DCLK1: variants seen among roughly 807,000 people sequenced by gnomAD.
DCLK1 encodes serine/threonine-protein kinase DCLK1.
Under a neutral mutation model 86.2 loss-of-function variants are expected in DCLK1, and 16 were observed. That is an observed-to-expected ratio of 0.19 (90% CI 0.13 to 0.28). The LOEUF (loss-of-function observed/expected upper bound fraction) is 0.28, where lower values mean the gene tolerates loss of function less well. Ranked by LOEUF, DCLK1 falls within the 10% of genes least tolerant of loss-of-function variation. The pLI, the probability that DCLK1 is intolerant of heterozygous loss-of-function variation, is 1.00. For synonymous variants in DCLK1, 369 were observed against 370.5 expected, an observed-to-expected ratio of 1.00 and a Z score of 0.05; for missense variants, 590 against 940.2, an observed-to-expected ratio of 0.63 and a Z score of 4.87.
At chr13:36,028,471 A>G (rs560671916) in intron 3 of DCLK1, among the ~76,000 whole-genome samples, 11 of 152,200 alleles carry the variant, frequency 7.2e-5, no homozygotes, top group Non-Finnish European at 1.5e-4. Flanking sequence ...ACTCCTGGTC[A>G]CCCTGTTCCA....
Position 35,849,526 on chromosome 13 carries a change from C to A in DCLK1, c.1035+4973G>T, listed in dbSNP as rs975985951. 80 of 979,928 alleles carry A rather than the reference C, an allele frequency of 8.2e-5. No individual in the cohort carries two copies. The Admixed American group carries it at 1.0e-3, about 13-fold the overall frequency. The allele number at this position is 979,928 out of a possible 1,614,324, so 60.7% of individuals were successfully genotyped here. On this transcript the variant is annotated intron_variant, in intron 6 of 16. Coordinates refer to ENST00000360631, the MANE Select transcript of DCLK1 (RefSeq NM_001330071.2). ...TGACCACTAGGATATGGCTTAAATA[C>A]AATAGACCATACACATTAAATTAAT...
At chr13:35,963,625 C>T (rs564684180) in intron 3 of DCLK1, among the ~76,000 whole-genome samples, 20 of 152,254 alleles carry the variant, frequency 1.3e-4, no homozygotes, top group African/African-American at 4.6e-4. Context: ...TGTATCCCCA[C>T]CCAAATCTCA....
intron 13 of DCLK1, among the ~76,000 whole-genome samples, chr13:35,808,686 G>A (rs1198156153): frequency 1.3e-5 from 2 of 152,098 alleles, no homozygotes; most frequent in African/African-American, 4.8e-5. Flanking sequence ...AGGAAGCTGA[G>A]GCAGGAGAAC....
chr13:35,875,132 T>C (rs1872521763), intron 4 of DCLK1, among the ~76,000 whole-genome samples: 1 of 152,198 alleles, frequency 6.6e-6, no homozygotes. Context: ...GTTTGAAAAA[T>C]GTTAGTTTAT....
At chr13:35,956,934 A>AAAG (rs1878019815) in intron 3 of DCLK1, among the ~76,000 whole-genome samples, 2 of 152,196 alleles carry the variant, frequency 1.3e-5, no homozygotes, top group South Asian at 4.1e-4. Flanking sequence ...AGTCCATTCA[A>AAAG]AAGCATTCAT....
At chr13:35,932,098 A>G (rs1313658557) in intron 4 of DCLK1, among the ~76,000 whole-genome samples, 1 of 152,216 alleles carries the variant, frequency 6.6e-6, no homozygotes, top group Non-Finnish European at 1.5e-5. Context: ...AGTGGACTCC[A>G]TAAGGTAGAC....
At chr13:35,834,629 G>A (rs1255077639) in intron 8 of DCLK1, among the ~76,000 whole-genome samples, 1 of 152,252 alleles carries the variant, frequency 6.6e-6, no homozygotes, top group Non-Finnish European at 1.5e-5. Context: ...TTTGGGAGGT[G>A]TGAGGCCCAG....
chr13:35,840,774 T>C (rs767223038), intron 6 of DCLK1, among the ~76,000 whole-genome samples: 11 of 152,200 alleles, frequency 7.2e-5, no homozygotes, highest in Non-Finnish European at 1.2e-4. Context: ...TAACCCACAC[T>C]GTGGAAGGGA....
chr13:36,021,097 CAAT>C (rs1374352397), intron 3 of DCLK1, among the ~76,000 whole-genome samples: 1 of 151,586 alleles, frequency 6.6e-6, no homozygotes, highest in Non-Finnish European at 1.5e-5. Flanking sequence ...ATTTGTGTGA[CAAT>C]AATAGCACAA....
chr13:35,919,243 A>T (rs1417804826), intron 4 of DCLK1, among the ~76,000 whole-genome samples: 1 of 150,752 alleles, frequency 6.6e-6, no homozygotes, highest in Admixed American at 6.6e-5. Context: ...TTAAAAGTGC[A>T]TTTTTTTTTC....
chr13:35,769,349 C>T lies in DCLK1; in HGVS notation c.*5186G>A, dbSNP rs183263583. On this transcript the variant is annotated 3_prime_UTR_variant, in exon 17 of 17. Transcript: ENST00000360631. ...CTTGTTTAAATGCGCCAAGTCCCTA[C>T]GCACCTTTTTAGTATGTATGAGCAA... 19 of 152,270 alleles carry T rather than the reference C, an allele frequency of 1.2e-4. No homozygotes were observed. The highest frequency in any genetic ancestry group is 3.9e-4 in the East Asian group (2 of 5,182). 9.4% of individuals were successfully genotyped at this position (152,270 alleles called of 1,614,324 possible). A position where few individuals can be genotyped will look rare whatever the true frequency, so the allele number is the denominator to read the frequency against.
chr13:35,940,828 C>T (rs1183478199), intron 4 of DCLK1, among the ~76,000 whole-genome samples: 1 of 152,134 alleles, frequency 6.6e-6, no homozygotes, highest in Non-Finnish European at 1.5e-5. Context: ...CCAAAGAGCA[C>T]CAAAAGCAGA....
intron 3 of DCLK1, among the ~76,000 whole-genome samples, chr13:35,957,268 T>A (rs773761992): frequency 3.3e-5 from 5 of 152,152 alleles, no homozygotes; most frequent in Non-Finnish European, 7.4e-5. Flanking sequence ...ACCCAACCCA[T>A]AAAATCTGTG....
chr13:35,799,929 C>T (rs2086886343), intron 15 of DCLK1, among the ~76,000 whole-genome samples: 1 of 152,054 alleles, frequency 6.6e-6, no homozygotes, highest in South Asian at 2.1e-4. Context: ...ATATTGTTCT[C>T]CACTAGATGG....
chr13:35,858,187 G>A (rs1871181999), intron 5 of DCLK1, among the ~76,000 whole-genome samples: 1 of 152,140 alleles, frequency 6.6e-6, no homozygotes, highest in African/African-American at 2.4e-5. Context: ...CTATGGTAGA[G>A]ATGCTGACGT....
At chr13:35,933,255 A>G (rs1876557795) in intron 4 of DCLK1, among the ~76,000 whole-genome samples, 1 of 152,126 alleles carries the variant, frequency 6.6e-6, no homozygotes, top group South Asian at 2.1e-4. Flanking sequence ...AGCTGCTTTC[A>G]CAGACTGGCA....
At chr13:36,123,176 T>G (rs1249241061) in intron 2 of DCLK1, among the ~76,000 whole-genome samples, 2 of 152,146 alleles carry the variant, frequency 1.3e-5, no homozygotes, top group African/African-American at 4.8e-5. Flanking sequence ...TACATAAAAT[T>G]AGTATGTAAA....
intron 4 of DCLK1, among the ~76,000 whole-genome samples, chr13:35,940,765 C>T (rs188505701): frequency 3.4e-4 from 52 of 152,248 alleles, no homozygotes; most frequent in Middle Eastern, 3.4e-3. Context: ...TCACCTCCAC[C>T]ACAGCAACAA....
In DCLK1 at chr13:36,102,216, C is replaced by T. The variant is rs1163125649; in HGVS notation, c.723+9653G>A. Among the ~76,000 whole-genome samples the T allele has an allele frequency of 1.3e-4, 19 of 143,036 alleles. No homozygotes were observed. The East Asian group carries it at 3.6e-3, about 27-fold the overall frequency. 93.8% of individuals were successfully genotyped at this position (143,036 alleles called of 152,430 possible). The stretch of plus-strand genomic sequence containing the variant: ...TTTTTTTTTTTTTTTTAAGCTAGTG[C>T]TTACCTTGAGTTATTTTCTTCCTGG... On this transcript the variant is annotated intron_variant, in intron 3 of 16. Transcript: ENST00000360631.
Sources: gnomAD v4.1 joint callset for allele counts (sites outside exome capture counted in the v4.1 genomes callset) on GRCh38, gnomAD v4.1.1 for gene constraint, MANE v1.5 for transcripts, NCBI Gene and HGNC (gene_info 2026-07-23, HGNC 2026-07-21) for gene names.